Variants in CHD9 observed in about 807,000 individuals in gnomAD.
CHD9 encodes the protein ATP-dependent chromatin remodeler CHD9.
CHD9 carries 77 observed loss-of-function variants against 316.1 expected under a neutral mutation model. That is an observed-to-expected ratio of 0.24 (90% CI 0.20 to 0.29). CHD9 has a LOEUF of 0.29. Ranked by LOEUF, CHD9 falls within the 10% of genes least tolerant of loss-of-function variation. The pLI is 1.00. For missense variants in CHD9, 2,763 were observed against 3,438.1 expected (o/e 0.80, Z 4.91); for synonymous variants, 1,129 against 1,158.3 (o/e 0.97, Z 0.51).
Position 53,249,878 on chromosome 16 carries a change from T to C in CHD9, c.3673T>C (p.Tyr1225His), listed in dbSNP as rs2049988098. 5 of 1,610,378 alleles carry C rather than the reference T, an allele frequency of 3.1e-6. No individual in the cohort carries two copies. The highest frequency in any genetic ancestry group is 2.2e-5 in the South Asian group (2 of 91,022). ...TTCCATTTCATTCCATAGATACTTATATGAGCGAATTGATGGCAGAGTCAG... is the reference window on the plus strand; with the variant it reads ...TTCCATTTCATTCCATAGATACTTACATGAGCGAATTGATGGCAGAGTCAG... ...EDYLIHKRYL[Y>H]ERIDGRVRGN... is the part of the protein sequence containing the mutation. Residue 1225 changes from tyrosine to histidine, a missense_variant, in exon 17 of 39, where the codon TAT (tyrosine) becomes CAT (histidine). Physicochemically the swap from Tyr to His is moderately conservative, Grantham distance 83. Around this residue, in one of 15 missense-constraint regions of CHD9, gnomAD observed 39 missense variants for 40.4 expected, o/e 0.97. Coordinates refer to ENST00000447540, the MANE Select transcript of CHD9 (RefSeq NM_001308319.2).
Position 53,273,800 on chromosome 16 carries a change from T to G in CHD9, c.4877+15T>G, listed in dbSNP as rs773231145. 1.3e-6 allele frequency: 2 copies of G among 1,582,328 alleles called. No homozygotes were observed. Among genetic ancestry groups the G allele is most frequent in the East Asian group, 4.5e-5 (2 of 44,642 alleles). ...CACTGTAATAAGTAGGTATAGGGTA[T>G]TTTAAACACAACTCTTTAAATGTTT... On this transcript the variant is annotated intron_variant, in intron 23 of 38. Transcript: ENST00000447540.
intron 2 of CHD9, among the ~76,000 whole-genome samples, chr16:53,174,052 C>G (rs562093394): frequency 1.8e-3 from 276 of 152,182 alleles, no homozygotes; most frequent in Non-Finnish European, 3.6e-3. Context: ...TTAATTTCTT[C>G]TTTGGCCCAT....
intron 11 of CHD9, among the ~76,000 whole-genome samples, chr16:53,236,577 T>C (rs2048640789): frequency 6.6e-6 from 1 of 151,210 alleles, no homozygotes; most frequent in Non-Finnish European, 1.5e-5. Flanking sequence ...GCTCTGCTTC[T>C]CTCTCTCTCT....
rs1195373795 is a variant in CHD9 at position 53,156,483 on chromosome 16, A to G, written c.394A>G (p.Thr132Ala). ...SPMWGHQTATTISNQNGSPFH... is the reference protein window; with the variant it reads ...SPMWGHQTATAISNQNGSPFH... Reference sequence around the variant, plus strand: ...AATGTGGGGCCATCAGACAGCTACTACCATTTCAAATCAAAATGGATCTCC... The same window carrying G: ...AATGTGGGGCCATCAGACAGCTACTGCCATTTCAAATCAAAATGGATCTCC... The change falls in exon 2 of 39, where the codon ACC (threonine) becomes GCC (alanine). Residue 132 changes from threonine to alanine, a missense_variant. This residue lies in a region of CHD9 where 859 missense variants were observed against 890.4 expected (regional missense o/e 0.96). Coordinates refer to ENST00000447540, the MANE Select transcript of CHD9 (RefSeq NM_001308319.2). 2.5e-6 allele frequency: 4 copies of G among 1,613,844 alleles called. No homozygotes were observed. The highest frequency in any genetic ancestry group is 2.5e-6 in the Non-Finnish European group (3 of 1,179,898).
chr16:53,308,484 A>G (rs927559414), intron 33 of CHD9, among the ~76,000 whole-genome samples: 1 of 152,144 alleles, frequency 6.6e-6, no homozygotes, highest in African/African-American at 2.4e-5. Context: ...TATTTTTTTC[A>G]TTCAAAATAG....
At position 53,160,645 on chromosome 16, in the gene CHD9, G is replaced by T. The variant is rs1329840257; in HGVS notation, c.1452+3104G>T. ...TTCTCGGCCAGGCGCAGTGGCTCAC[G>T]CCTGTAATCCCAGAACTTTGGGAGG... On this transcript the variant is annotated intron_variant, in intron 2 of 38. Coordinates refer to ENST00000447540, the MANE Select transcript of CHD9 (RefSeq NM_001308319.2). Among the ~76,000 whole-genome samples the T allele has an allele frequency of 2.6e-5, 4 of 152,198 alleles. No individual in the cohort carries two copies. In the East Asian group the frequency reaches 7.7e-4, roughly 29 times the overall value.
intron 26 of CHD9, among the ~76,000 whole-genome samples, chr16:53,287,687 A>C (rs1386132672): frequency 6.6e-6 from 1 of 152,194 alleles, no homozygotes; most frequent in Non-Finnish European, 1.5e-5. Flanking sequence ...AGATTGTGCC[A>C]CCGCACTCCG....
At chr16:53,308,107 C>G (rs1362865632) in intron 33 of CHD9, among the ~76,000 whole-genome samples, 154 bp downstream of exon 33, 1 of 152,158 alleles carries the variant, frequency 6.6e-6, no homozygotes, top group Non-Finnish European at 1.5e-5. Flanking sequence ...GGTTATTAAA[C>G]TTGAATATTC....
At chr16:53,308,573 A>T in intron 33 of CHD9, 113 bp from the exon 34 acceptor site, 1 of 706,014 alleles carries the variant, frequency 1.4e-6, no homozygotes, top group Non-Finnish European at 2.5e-6. Flanking sequence ...AACTTCTTTG[A>T]TGTTTCAGGA....
chr16:53,183,358 A>G (rs1362339037), intron 2 of CHD9, among the ~76,000 whole-genome samples: 1 of 152,168 alleles, frequency 6.6e-6, no homozygotes, highest in African/African-American at 2.4e-5. Context: ...TCTTTTCAGT[A>G]TATGTTTCTG....
intron 7 of CHD9, among the ~76,000 whole-genome samples, chr16:53,228,593 T>G (rs2047881672): frequency 1.4e-5 from 2 of 143,972 alleles, no homozygotes; most frequent in South Asian, 4.5e-4. Context: ...CAGGCCGGAC[T>G]GCGGACTGCA....
At chr16:53,128,076 G>T (rs1394236733) in intron 1 of CHD9, among the ~76,000 whole-genome samples, 1 of 152,122 alleles carries the variant, frequency 6.6e-6, no homozygotes, top group Non-Finnish European at 1.5e-5. Flanking sequence ...TTTCTTTCAA[G>T]GTGAGGAGAG....
intron 24 of CHD9, 106 bp downstream of exon 24, chr16:53,274,408 C>G (rs201510467): frequency 3.5e-6 from 2 of 576,842 alleles, no homozygotes; most frequent in Non-Finnish European, 6.1e-6. Context: ...CTGAGAGGCT[C>G]GCACTGTAGG....
At chr16:53,096,058 T>A (rs72797656) in intron 1 of CHD9, among the ~76,000 whole-genome samples, 41,261 of 137,082 alleles carry the variant, frequency 0.3, 6,901 homozygotes, top group Non-Finnish European at 0.41. Flanking sequence ...CTGTGAAGAT[T>A]TTTTTTTTTT....
At chr16:53,263,128 T>C in intron 20 of CHD9, 31 bp downstream of exon 20, 1 of 1,512,264 alleles carries the variant, frequency 6.6e-7, no homozygotes, top group African/African-American at 1.4e-5. Flanking sequence ...AAAATAAACT[T>C]GCTTTTGGGA....
chr16:53,186,492 C>T (rs759893519), intron 2 of CHD9, among the ~76,000 whole-genome samples: 42 of 152,238 alleles, frequency 2.8e-4, no homozygotes, highest in Non-Finnish European at 3.4e-4. Context: ...TCAGATGAGA[C>T]TTTGGACTGT....
chr16:53,230,217 G>GTGGTTA (rs1489825036), intron 8 of CHD9, among the ~76,000 whole-genome samples: 1 of 152,164 alleles, frequency 6.6e-6, no homozygotes, highest in Non-Finnish European at 1.5e-5. Flanking sequence ...GATGGTACAT[G>GTGGTTA]ATACCTCTGT....
At chr16:53,271,864 T>C (rs2052305091) in intron 22 of CHD9, among the ~76,000 whole-genome samples, 1 of 152,130 alleles carries the variant, frequency 6.6e-6, no homozygotes, top group Non-Finnish European at 1.5e-5. Context: ...GTAGATTTCA[T>C]TAGGAAAATT....
intron 37 of CHD9, chr16:53,321,149 T>A (rs2057247214): frequency 1.0e-6 from 1 of 993,520 alleles, no homozygotes; most frequent in Non-Finnish European, 1.4e-6. Flanking sequence ...ATTATTGTTA[T>A]CCCCATTTTA....
Sources: gnomAD v4.1 joint callset for allele counts (sites outside exome capture counted in the v4.1 genomes callset) on GRCh38, gnomAD v4.1.1 for gene constraint, gnomAD v4.1.1 regional missense constraint, MANE v1.5 for transcripts, NCBI Gene and HGNC (gene_info 2026-07-23, HGNC 2026-07-21) for gene names.